The following NR2F1-AS1 variants were observed in gnomAD, a reference collection of about 807,000 sequenced individuals.
NR2F1-AS1 encodes NR2F1 antisense RNA 1.
chr5:93,488,801 A>T (rs1000679230), intron 4 of NR2F1-AS1, among the ~76,000 whole-genome samples: 5 of 152,198 alleles, frequency 3.3e-5, no homozygotes, highest in African/African-American at 1.2e-4. Flanking sequence ...ATGCACACAT[A>T]TGTTTATTGC....
intron 4 of NR2F1-AS1, among the ~76,000 whole-genome samples, chr5:93,492,720 G>A (rs1194126865): frequency 6.6e-6 from 1 of 152,112 alleles, no homozygotes; most frequent in Non-Finnish European, 1.5e-5. Context: ...ATGAATGCAA[G>A]TGTGGTTGAA....
chr5:93,465,989 G>A, intron 4 of NR2F1-AS1, among the ~76,000 whole-genome samples: 1 of 151,776 alleles, frequency 6.6e-6, no homozygotes, highest in Non-Finnish European at 1.5e-5. Context: ...CGAGTTGATG[G>A]GTGCAGCAAA....
intron 4 of NR2F1-AS1, among the ~76,000 whole-genome samples, chr5:93,447,717 A>AG (rs1202712695): frequency 6.6e-6 from 1 of 152,204 alleles, no homozygotes; most frequent in Non-Finnish European, 1.5e-5. Flanking sequence ...ATATACCCAA[A>AG]GATTATAAAT....
intron 4 of NR2F1-AS1, among the ~76,000 whole-genome samples, chr5:93,459,102 G>A (rs376163754): frequency 2.0e-5 from 3 of 152,072 alleles, no homozygotes; most frequent in Non-Finnish European, 4.4e-5. Flanking sequence ...CTTCGGACTC[G>A]TATCCATAAT....
At position 93,411,921 on chromosome 5, in the gene NR2F1-AS1, C is replaced by A. The variant is rs530487639; in HGVS notation, n.639-16379G>T. Among the ~76,000 whole-genome samples, 13 of 152,248 alleles carry A rather than the reference C, an allele frequency of 8.5e-5. 1 individual carries two copies. Among genetic ancestry groups the A allele is most frequent in the African/African-American group, 2.9e-4 (12 of 41,542 alleles). Reference sequence around the variant, plus strand: ...TGGCACCATATGGATGGCTGGGAAACAACAGTTGCAGATAGAGAAGCGTGC... The same window carrying A: ...TGGCACCATATGGATGGCTGGGAAAAAACAGTTGCAGATAGAGAAGCGTGC... On this transcript the variant is annotated intron_variant and non_coding_transcript_variant, in intron 4 of 5. Transcript: ENST00000660523.
chr5:93,414,754 C>T (rs1748933583), intron 4 of NR2F1-AS1, among the ~76,000 whole-genome samples: 1 of 152,148 alleles, frequency 6.6e-6, no homozygotes, highest in Admixed American at 6.6e-5. Context: ...TGCATGTACA[C>T]TTGTAAATTT....
At chr5:93,524,490 TCAGGAAATA>T (rs1751570588) in intron 4 of NR2F1-AS1, among the ~76,000 whole-genome samples, 1 of 152,108 alleles carries the variant, frequency 6.6e-6, no homozygotes, top group Admixed American at 6.6e-5. Context: ...ACATTCAAAT[TCAGGAAATA>T]CAGAGAACCT....
intron 4 of NR2F1-AS1, among the ~76,000 whole-genome samples, chr5:93,496,326 C>A (rs1008316045): frequency 1.3e-5 from 2 of 152,094 alleles, no homozygotes; most frequent in African/African-American, 4.8e-5. Context: ...TATTAGTGAA[C>A]CACATCCTAT....
At chr5:93,487,328 G>C (rs900003046) in intron 4 of NR2F1-AS1, among the ~76,000 whole-genome samples, 1 of 152,314 alleles carries the variant, frequency 6.6e-6, no homozygotes, top group South Asian at 2.1e-4. Context: ...CAGATGACAT[G>C]ATTGTATATT....
intron 4 of NR2F1-AS1, among the ~76,000 whole-genome samples, chr5:93,495,118 TTTTC>T (rs1291454481): frequency 6.6e-6 from 1 of 152,090 alleles, no homozygotes; most frequent in East Asian, 1.9e-4. Flanking sequence ...TTTGGTGTGG[TTTTC>T]TTTGATTCTT....
intron 4 of NR2F1-AS1, among the ~76,000 whole-genome samples, chr5:93,421,371 A>T (rs1363926626): frequency 1.3e-5 from 2 of 152,134 alleles, no homozygotes; most frequent in Non-Finnish European, 2.9e-5. Flanking sequence ...TGAGTTAAAA[A>T]AAAAAAAAAG....
chr5:93,432,618 T>G (rs1749350266), intron 4 of NR2F1-AS1, among the ~76,000 whole-genome samples: 1 of 152,198 alleles, frequency 6.6e-6, no homozygotes, highest in East Asian at 1.9e-4. Flanking sequence ...GTAAAATAAC[T>G]ATTTTAAATG....
chr5:93,511,314 G>A (rs1279718519), intron 4 of NR2F1-AS1, among the ~76,000 whole-genome samples: 3 of 152,152 alleles, frequency 2.0e-5, no homozygotes, highest in East Asian at 3.9e-4. Flanking sequence ...GAGCTAGAAC[G>A]TGGGTCTTCT....
chr5:93,439,935 C>T (rs1749527485), intron 4 of NR2F1-AS1, among the ~76,000 whole-genome samples: 1 of 152,144 alleles, frequency 6.6e-6, no homozygotes, highest in Non-Finnish European at 1.5e-5. Context: ...TAGACAGTAA[C>T]CTCCTTGAAG....
chr5:93,494,051 A>T (rs996067412), intron 4 of NR2F1-AS1, among the ~76,000 whole-genome samples: 3 of 152,204 alleles, frequency 2.0e-5, no homozygotes, highest in Non-Finnish European at 2.9e-5. Flanking sequence ...GAATGGGAAA[A>T]AAATTTTGCA....
chr5:93,450,850 A>AG (rs1379092602), intron 4 of NR2F1-AS1, among the ~76,000 whole-genome samples: 1 of 139,170 alleles, frequency 7.2e-6, no homozygotes, highest in African/African-American at 2.7e-5. Flanking sequence ...GGGGAGTTTC[A>AG]GGGGCAGTGA....
chr5:93,516,825 T>C (rs760052047), intron 4 of NR2F1-AS1, among the ~76,000 whole-genome samples: 2 of 151,942 alleles, frequency 1.3e-5, no homozygotes, highest in Non-Finnish European at 2.9e-5. Flanking sequence ...GACAGAATAA[T>C]CTGAGTCTTT....
At chr5:93,421,713 C>G (rs956173348) in intron 4 of NR2F1-AS1, among the ~76,000 whole-genome samples, 2 of 152,174 alleles carry the variant, frequency 1.3e-5, no homozygotes, top group East Asian at 3.8e-4. Flanking sequence ...CCCCCAGGGC[C>G]GCTCCATTGT....
chr5:93,580,756 G>A (rs1335488825), exon 1 of NR2F1-AS1: 1 of 152,274 alleles, frequency 6.6e-6, no homozygotes, highest in Non-Finnish European at 1.5e-5. Flanking sequence ...TTTTCTTTTG[G>A]TCTATTTTAA....
Sources: allele counts gnomAD v4.1 joint callset (sites outside exome capture counted in the v4.1 genomes callset), GRCh38; gene constraint gnomAD v4.1.1; transcripts MANE v1.5; gene names NCBI Gene and HGNC (gene_info 2026-07-23, HGNC 2026-07-21).